The following NOC4L variants were observed in gnomAD, a reference collection of about 807,000 sequenced individuals.
The protein encoded by NOC4L is nucleolar complex associated 4 homolog.
Under a neutral mutation model 62.8 loss-of-function variants are expected in NOC4L, and 40 were observed. The observed-to-expected ratio is 0.64, with a 90% confidence interval of 0.49 to 0.83. The LOEUF is 0.83. Among genes scored for constraint, NOC4L ranks in the 40% least tolerant of loss-of-function variants. The pLI is 0.00. For missense variants in NOC4L, 927 were observed against 701.9 expected (o/e 1.32, Z -3.62); for synonymous variants, 433 against 299.8 (o/e 1.44, Z -4.59).
chr12:132,151,333 C>T lies in NOC4L; in HGVS notation c.1038C>T (p.Arg346=), dbSNP rs1897933503. 1.9e-6 allele frequency: 3 copies of T among 1,611,416 alleles called. No homozygotes were observed. Among genetic ancestry groups the T allele is most frequent in the African/African-American group, 1.3e-5 (1 of 75,062 alleles). Residue 346 remains arginine, a synonymous_variant, in exon 11 of 15, where the codon CGC becomes CGT. Coordinates refer to ENST00000330579, the MANE Select transcript of NOC4L (RefSeq NM_024078.3). ...PSVFHVKYRA[R]FFHLADLFLS... ...TCTTTCACGTCAAGTACCGCGCCCG[C>T]TTCTTCCACCTGGCTGACCTCTTCC...
chr12:132,148,735 C>CCCGGGGGGGGGGGG, intron 8 of NOC4L, 49 bp from the exon 9 acceptor site: 1 of 1,309,288 alleles, frequency 7.6e-7, no homozygotes, highest in Non-Finnish European at 1.0e-6. Flanking sequence ...CCCGACCCGC[C>CCCGGGGGGGGGGGG]GGCCCCCGCC....
chr12:132,144,995 G>A, intron 2 of NOC4L, 21 bp downstream of exon 2: 3 of 1,578,328 alleles, frequency 1.9e-6, no homozygotes, highest in Non-Finnish European at 2.6e-6. Flanking sequence ...GAGGGCCCCG[G>A]GGCTGCTCTT....
chr12:132,146,349 G>A (rs1156775515), intron 3 of NOC4L: 6 of 455,560 alleles, frequency 1.3e-5, no homozygotes, highest in Admixed American at 7.0e-5. Context: ...AGCACAGCAC[G>A]TATCGTTCAG....
Position 132,151,028 on chromosome 12 carries a change from C to T in NOC4L, c.949C>T (p.His317Tyr), listed in dbSNP as rs780800497. Residue 317 changes from histidine (H) to tyrosine (Y), a missense_variant, in exon 10 of 15, where the codon CAC becomes TAC. Coordinates refer to ENST00000330579, the MANE Select transcript of NOC4L (RefSeq NM_024078.3). ...LALNGLFILI[H>Y]KHNLEYPDFY... ...CTTGAACGGGCTGTTCATCTTGATT[C>T]ACAAACACAACCTGTGAGTGTCACC... 1.2e-6 allele frequency: 2 copies of T among 1,611,172 alleles called. No individual in the cohort carries two copies. Among genetic ancestry groups the T allele is most frequent in the Admixed American group, 3.3e-5 (2 of 59,878 alleles).
chr12:132,145,334 C>T (rs76447236), intron 2 of NOC4L, among the ~76,000 whole-genome samples: 3,179 of 152,312 alleles, frequency 0.021, 98 homozygotes, highest in African/African-American at 0.072. Context: ...CTGCTCCTGG[C>T]AGCTTGGCTG....
intron 9 of NOC4L, among the ~76,000 whole-genome samples, chr12:132,149,913 TGCC>T (rs1445477233): frequency 1.8e-4 from 2 of 11,080 alleles, no homozygotes; most frequent in African/African-American, 9.0e-4. Context: ...CCTCGGTGAG[TGCC>T]GCCGCCTCGC....
intron 7 of NOC4L, 46 bp from the exon 8 acceptor site, chr12:132,148,563 G>A (rs924823128): frequency 3.9e-6 from 6 of 1,547,614 alleles, no homozygotes; most frequent in African/African-American, 2.7e-5. Context: ...TCGGGCTCTG[G>A]TCTGGGGTGG....
At chr12:132,151,675 G>A (rs757340814) in intron 12 of NOC4L, 31 bp downstream of exon 12, 1 of 1,611,536 alleles carries the variant, frequency 6.2e-7, no homozygotes, top group Non-Finnish European at 8.5e-7. Context: ...AGGCTGGGCT[G>A]GAGCTGGGGC....
At chr12:132,146,499 A>G (rs1429641632) in intron 3 of NOC4L, 2 of 387,690 alleles carry the variant, frequency 5.2e-6, no homozygotes, top group East Asian at 7.3e-5. Flanking sequence ...ACAAGGCCAC[A>G]CAGCAGCTGT....
chr12:132,152,161 C>T lies in NOC4L; in HGVS notation c.1395C>T (p.Val465=). The change falls in exon 14 of 15, where the codon GTC becomes GTT. Residue 465 remains valine (V), a synonymous_variant. Coordinates refer to ENST00000330579, the MANE Select transcript of NOC4L (RefSeq NM_024078.3). ...ACCAGGCCCTGTCCATGCCTGAGGT[C>T]AGCATCGCGCCACTGCTGGAGCTCA... ...VINQALSMPE[V]SIAPLLELTA... 1 of 1,612,312 alleles carries T rather than the reference C, an allele frequency of 6.2e-7. No individual in the cohort carries two copies. Among genetic ancestry groups the T allele is most frequent in the Non-Finnish European group, 8.5e-7 (1 of 1,179,856 alleles).
At chr12:132,146,453 G>A (rs1897731888) in intron 3 of NOC4L, 2 of 430,052 alleles carry the variant, frequency 4.7e-6, no homozygotes, top group Non-Finnish European at 9.6e-6. Context: ...CTTGTGTGAT[G>A]TTTCTTTTGC....
At chr12:132,148,720 C>G (rs1027999340) in intron 8 of NOC4L, 61 bp downstream of exon 8, 2 of 1,451,224 alleles carry the variant, frequency 1.4e-6, no homozygotes, top group Non-Finnish European at 1.8e-6. Flanking sequence ...GGGCGGAGGC[C>G]TCACCCCGAC....
chr12:132,147,471 C>T, intron 4 of NOC4L, 83 bp downstream of exon 4: 1 of 1,458,838 alleles, frequency 6.9e-7, no homozygotes, highest in Non-Finnish European at 9.3e-7. Context: ...GCGGGGCCTG[C>T]TGAGCTGAGC....
chr12:132,152,041 G>C, intron 13 of NOC4L, 43 bp from the exon 14 acceptor site: 1 of 1,516,864 alleles, frequency 6.6e-7, no homozygotes, highest in Non-Finnish European at 8.9e-7. Context: ...GGCACAGGGC[G>C]GGGGCCTGGG....
chr12:132,151,725 G>A lies in NOC4L; in HGVS notation c.1235-13G>A, dbSNP rs368177100. 3.2e-5 allele frequency: 52 copies of A among 1,612,374 alleles called. No homozygotes were observed. Among genetic ancestry groups the A allele is most frequent in the South Asian group, 1.2e-4 (11 of 91,076 alleles). On this transcript the variant is annotated splice_polypyrimidine_tract_variant and intron_variant, in intron 12 of 14. Transcript: ENST00000330579. Reference sequence around the variant, plus strand: ...CTGTGGACGGCAGACAAGGGCCCACGTCTCATTCCTAGAGTTGGACGCCGA... The same window carrying A: ...CTGTGGACGGCAGACAAGGGCCCACATCTCATTCCTAGAGTTGGACGCCGA...
rs545671829 is a variant in NOC4L at position 132,151,342 on chromosome 12, C to T, written c.1047C>T (p.His349=). 1.9e-6 allele frequency: 3 copies of T among 1,611,038 alleles called. No individual in the cohort carries two copies. The highest frequency in any genetic ancestry group is 2.7e-5 in the African/African-American group (2 of 75,072). ...TCAAGTACCGCGCCCGCTTCTTCCA[C>T]CTGGCTGACCTCTTCCTGTCCTCCT... ...FHVKYRARFF[H]LADLFLSSSH... The change falls in exon 11 of 15, where the codon CAC becomes CAT. Residue 349 remains histidine (H), a synonymous_variant. Transcript: ENST00000330579.
Position 132,144,556 on chromosome 12 carries a change from C to T in NOC4L, c.68C>T (p.Ala23Val). 2.0e-6 allele frequency: 3 copies of T among 1,520,332 alleles called. No homozygotes were observed. Among genetic ancestry groups the T allele is most frequent in the Non-Finnish European group, 2.6e-6 (3 of 1,142,056 alleles). 94.2% of individuals were successfully genotyped at this position (1,520,332 alleles called of 1,614,324 possible). The change falls in exon 1 of 15, where the codon GCG (alanine) becomes GTG (valine). Residue 23 changes from alanine (A) to valine (V), a missense_variant. By Grantham distance (64) the Ala-to-Val change is moderately conservative. Coordinates refer to ENST00000330579, the MANE Select transcript of NOC4L (RefSeq NM_024078.3). ...ALGRRLEAVL[A>V]SRSEANAVFD... ...GGCCGCCGGCTGGAGGCGGTGCTGGCGAGCCGCAGTGAGGCCAACGCCGTG... is the reference window on the plus strand; with the variant it reads ...GGCCGCCGGCTGGAGGCGGTGCTGGTGAGCCGCAGTGAGGCCAACGCCGTG...
At chr12:132,151,168 G>A in intron 10 of NOC4L, 90 bp from the exon 11 acceptor site, 1 of 1,426,800 alleles carries the variant, frequency 7.0e-7, no homozygotes, top group Non-Finnish European at 9.8e-7. Flanking sequence ...TCCCTGGGCG[G>A]GAGGAAGGGG....
intron 4 of NOC4L, 116 bp downstream of exon 4, chr12:132,147,504 C>T: frequency 6.9e-7 from 1 of 1,441,328 alleles, no homozygotes; most frequent in Non-Finnish European, 9.4e-7. Flanking sequence ...TGGGACACTC[C>T]TGTGGCTCCT....
Sources: gnomAD v4.1 joint callset for allele counts (sites outside exome capture counted in the v4.1 genomes callset) on GRCh38, gnomAD v4.1.1 for gene constraint, MANE v1.5 for transcripts, NCBI Gene and HGNC (gene_info 2026-07-23, HGNC 2026-07-21) for gene names.